Variants in TPD52 observed in about 807,000 individuals in gnomAD.
TPD52 encodes the protein prostate and colon associated protein.
TPD52 carries 17 observed loss-of-function variants against 31.3 expected under a neutral mutation model. That is an observed-to-expected ratio of 0.54 (90% confidence interval 0.37 to 0.82). The LOEUF is 0.82. TPD52 is among the 40% of genes least tolerant of loss of function. The pLI is 0.00. For missense variants in TPD52, 212 were observed against 240.1 expected (o/e 0.88, Z 0.77); for synonymous variants, 83 against 89.6 (o/e 0.93, Z 0.42).
rs144492980 is a variant in TPD52, at chr8:80,105,540, T to C, written c.20-40947A>G. Reference sequence around the variant, plus strand: ...AGCCCTTAAGAGGGACAGGAATTGCTCACTTGGGGAGCTCGGTTTTTGAGC... The same window carrying C: ...AGCCCTTAAGAGGGACAGGAATTGCCCACTTGGGGAGCTCGGTTTTTGAGC... On this transcript the variant is annotated intron_variant, in intron 1 of 7. Transcript: ENST00000518937. Among the ~76,000 whole-genome samples the C allele has an allele frequency of 7.5e-4, 114 of 152,196 alleles. 2 individuals are homozygous for C. In the East Asian group the frequency reaches 0.018, roughly 24 times the overall value.
chr8:80,170,844 C>A (rs1373849586), intron 1 of TPD52, among the ~76,000 whole-genome samples: 1 of 152,152 alleles, frequency 6.6e-6, no homozygotes, highest in Admixed American at 6.5e-5. Context: ...ACCCTTCCTA[C>A]GAAAAGCTCT....
chr8:80,080,788 T>C, intron 1 of TPD52: 3 of 1,023,856 alleles, frequency 2.9e-6, no homozygotes, highest in Non-Finnish European at 3.5e-6. Flanking sequence ...GGTTCTGCAA[T>C]ATGGCCCAGA....
chr8:80,084,509 C>T (rs1815580826), intron 1 of TPD52, among the ~76,000 whole-genome samples: 1 of 152,232 alleles, frequency 6.6e-6, no homozygotes, highest in Non-Finnish European at 1.5e-5. Flanking sequence ...AGTGCTGAGA[C>T]TGGGAAGGGA....
intron 1 of TPD52, among the ~76,000 whole-genome samples, chr8:80,130,821 T>G (rs1808968567): frequency 6.6e-6 from 1 of 152,148 alleles, no homozygotes. Flanking sequence ...AACTAAAGGC[T>G]GGGAAATAAA....
At position 80,053,580 on chromosome 8, in the gene TPD52, A is replaced by T. The variant is rs193124653; in HGVS notation, c.136-150T>A. 5 of 855,124 alleles carry T rather than the reference A, an allele frequency of 5.8e-6. No individual in the cohort carries two copies. In the East Asian group the frequency reaches 1.1e-4, roughly 18 times the overall value. 53.0% of individuals were successfully genotyped at this position (855,124 alleles called of 1,614,324 possible). A position where few individuals can be genotyped will look rare whatever the true frequency, so the allele number is the denominator to read the frequency against. On this transcript the variant is annotated intron_variant, in intron 2 of 7. Transcript: ENST00000518937. Reference sequence around the variant, plus strand: ...CTAAAAACAATGTATAATGTTGTTGAGTAAACTGGTTACTTGCTGATCTCT... The same window carrying T: ...CTAAAAACAATGTATAATGTTGTTGTGTAAACTGGTTACTTGCTGATCTCT...
chr8:80,061,301 T>C (rs1375280018), intron 2 of TPD52, among the ~76,000 whole-genome samples: 1 of 150,660 alleles, frequency 6.6e-6, no homozygotes, highest in African/African-American at 2.4e-5. Flanking sequence ...GAGGTGGAGG[T>C]TGCAGTGAGC....
intron 1 of TPD52, among the ~76,000 whole-genome samples, chr8:80,163,298 A>C (rs1366557504): frequency 6.6e-6 from 1 of 152,236 alleles, no homozygotes; most frequent in African/African-American, 2.4e-5. Flanking sequence ...AGCCTTAAGA[A>C]GGAAATTGGG....
intron 3 of TPD52, chr8:80,052,761 CT>C: frequency 1.1e-6 from 1 of 949,468 alleles, no homozygotes; most frequent in Non-Finnish European, 1.5e-6. Context: ...AGGGATTGAC[CT>C]CTGCCAAGAG....
At position 80,122,207 on chromosome 8, in the gene TPD52, GAAAGTAAGAC is replaced by G. The variant is rs1249987000; in HGVS notation, c.19+49208_19+49217del. Reference sequence around the variant, plus strand: ...ACACGTCACATCTCAAAACAAAACAGAAAGTAAGACAAACCAAGCTGTGATGCAGGAAAAC... The same window carrying G: ...ACACGTCACATCTCAAAACAAAACAGAAACCAAGCTGTGATGCAGGAAAAC... On this transcript the variant is annotated intron_variant, in intron 1 of 7. Coordinates refer to ENST00000518937, the MANE Select transcript of TPD52 (RefSeq NM_001025253.3). Among the ~76,000 whole-genome samples the G allele has an allele frequency of 2.0e-5, 3 of 152,198 alleles. No individual in the cohort carries two copies. In the East Asian group the frequency reaches 5.8e-4, roughly 29 times the overall value.
chr8:80,161,452 G>A (rs890607524), intron 1 of TPD52, among the ~76,000 whole-genome samples: 25 of 152,096 alleles, frequency 1.6e-4, no homozygotes, highest in African/African-American at 5.1e-4. Flanking sequence ...AAATATTTAT[G>A]GAGTACCTAC....
At chr8:80,150,392 G>T (rs1810488745) in intron 1 of TPD52, among the ~76,000 whole-genome samples, 1 of 152,230 alleles carries the variant, frequency 6.6e-6, no homozygotes. Context: ...TGGGTATGGA[G>T]CCCCTACCAG....
At chr8:80,103,782 A>G (rs1234282715) in intron 1 of TPD52, among the ~76,000 whole-genome samples, 2 of 152,218 alleles carry the variant, frequency 1.3e-5, no homozygotes, top group East Asian at 3.8e-4. Context: ...TTTTGCAGGG[A>G]GGCTTCAGGT....
In TPD52 at chr8:80,041,011, T is replaced by C. The variant is rs367933507; in HGVS notation, c.504+1609A>G. 6.6e-5 allele frequency among the ~76,000 whole-genome samples: 10 copies of C among 152,338 alleles called. No individual in the cohort carries two copies. In the East Asian group the frequency reaches 1.3e-3, roughly 21 times the overall value. On this transcript the variant is annotated intron_variant, in intron 7 of 7. Transcript: ENST00000518937. Reference sequence around the variant, plus strand: ...GCTGAATGAATAAGCTGTAGGACTGTGTGTGTACAGTGTAACTCCTCTTCT... The same window carrying C: ...GCTGAATGAATAAGCTGTAGGACTGCGTGTGTACAGTGTAACTCCTCTTCT...
At chr8:80,062,671 T>G (rs760431092) in intron 2 of TPD52, among the ~76,000 whole-genome samples, 1 of 152,090 alleles carries the variant, frequency 6.6e-6, no homozygotes, top group Non-Finnish European at 1.5e-5. Context: ...CCAAAAAAAC[T>G]TGAAACATGG....
At chr8:80,049,965 A>T (rs1048844966) in intron 5 of TPD52, among the ~76,000 whole-genome samples, 12 of 152,172 alleles carry the variant, frequency 7.9e-5, no homozygotes, top group African/African-American at 2.9e-4. Flanking sequence ...TACCACAACA[A>T]CAAAAAAAAA....
At chr8:80,113,310 G>A (rs1807633003) in intron 1 of TPD52, among the ~76,000 whole-genome samples, 1 of 149,814 alleles carries the variant, frequency 6.7e-6, no homozygotes, top group Admixed American at 6.6e-5. Flanking sequence ...GCAGAGAAAA[G>A]GGAATTCATA....
intron 1 of TPD52, among the ~76,000 whole-genome samples, chr8:80,107,498 A>G (rs1325619657): frequency 6.6e-6 from 1 of 152,204 alleles, no homozygotes; most frequent in Non-Finnish European, 1.5e-5. Context: ...ACAACCAAGA[A>G]GGACCTTTGG....
At chr8:80,051,871 T>TA in intron 3 of TPD52, 1 of 404,200 alleles carries the variant, frequency 2.5e-6, no homozygotes. Context: ...CAGAGTCCTA[T>TA]AAAGGCAGGG....
Position 80,038,071 on chromosome 8 carries a change from CGCTT to C in TPD52, c.*41_*44del. The C allele has an allele frequency of 3.1e-6, 5 of 1,606,078 alleles. No homozygotes were observed. In the South Asian group the frequency reaches 3.3e-5, roughly 11 times the overall value. On this transcript the variant is annotated 3_prime_UTR_variant, in exon 8 of 8. Transcript: ENST00000518937. ...ATGTTGACAAGATGTGCTTGGACCTCGCTTGCAGCATCTGGCAGTGGGTAGCAGA... is the reference window on the plus strand; with the variant it reads ...ATGTTGACAAGATGTGCTTGGACCTCGCAGCATCTGGCAGTGGGTAGCAGA...
Sources: allele counts gnomAD v4.1 joint callset (sites outside exome capture counted in the v4.1 genomes callset), GRCh38; gene constraint gnomAD v4.1.1; transcripts MANE v1.5; gene names NCBI Gene and HGNC (gene_info 2026-07-23, HGNC 2026-07-21).